Variants in TNS3 observed in about 807,000 individuals in gnomAD.
The protein encoded by TNS3 is tensin-3.
TNS3 carries 45 observed loss-of-function variants against 140.9 expected under a neutral mutation model. The observed-to-expected ratio is 0.32, with a 90% CI of 0.25 to 0.41. The LOEUF is 0.41. Among genes scored for constraint, TNS3 ranks in the 10% least tolerant of loss-of-function variants. TNS3 has a pLI of 1.00. For synonymous variants in TNS3, 815 were observed against 788.4 expected (o/e 1.03, Z -0.56); for missense variants, 1,716 against 1,906.7 (o/e 0.90, Z 1.86).
intron 2 of TNS3, among the ~76,000 whole-genome samples, chr7:47,524,208 G>A (rs1799094575): frequency 6.6e-6 from 1 of 152,192 alleles, no homozygotes; most frequent in Non-Finnish European, 1.5e-5. Context: ...GGCAGACCAG[G>A]CCCTTTCACG....
Position 47,296,508 on chromosome 7 carries a change from A to G in TNS3, c.3676+574T>C, listed in dbSNP as rs1272185728. Among the ~76,000 whole-genome samples the G allele has an allele frequency of 2.6e-5, 4 of 152,356 alleles. No individual in the cohort carries two copies. The East Asian group carries it at 7.7e-4, about 29-fold the overall frequency. ...TCTATTACAGGTTGGTGCAAAAGTCATTATGGTTTTTGCCATGATTTTTAA... is the reference window on the plus strand; with the variant it reads ...TCTATTACAGGTTGGTGCAAAAGTCGTTATGGTTTTTGCCATGATTTTTAA... On this transcript the variant is annotated intron_variant, in intron 24 of 30. Transcript: ENST00000311160.
intron 2 of TNS3, among the ~76,000 whole-genome samples, chr7:47,514,073 T>C (rs755343863): frequency 6.6e-6 from 1 of 152,256 alleles, no homozygotes; most frequent in South Asian, 2.1e-4. Context: ...TCGAAACATA[T>C]TGACCAAGTT....
chr7:47,303,327 A>G lies in TNS3; in HGVS notation c.3080T>C (p.Val1027Ala). 6.2e-7 allele frequency: 1 copy of G among 1,613,562 alleles called. No individual in the cohort carries two copies. The highest frequency in any genetic ancestry group is 8.5e-7 in the Non-Finnish European group (1 of 1,179,842). Reference sequence around the variant, plus strand: ...CTCCTCGGGCGGAAGGCCACTTCCCACTGGGGCGGTGCCGAAGCCCAGGAA... The same window carrying G: ...CTCCTCGGGCGGAAGGCCACTTCCCGCTGGGGCGGTGCCGAAGCCCAGGAA... ...QAFLGFGTAP[V>A]GSGLPPEEDL... is the part of the protein sequence containing the mutation. The change falls in exon 22 of 31, where the codon GTG becomes GCG. Residue 1027 changes from valine (V) to alanine (A), a missense_variant. Val to Ala is a moderately conservative substitution (Grantham distance 64). Coordinates refer to ENST00000311160, the MANE Select transcript of TNS3 (RefSeq NM_022748.12).
intron 4 of TNS3, among the ~76,000 whole-genome samples, chr7:47,479,489 C>T (rs1333572037): frequency 2.1e-5 from 3 of 144,432 alleles, no homozygotes; most frequent in Non-Finnish European, 4.7e-5. Flanking sequence ...TACTCCCCCA[C>T]CCCCCCGTCG....
intron 17 of TNS3, among the ~76,000 whole-genome samples, chr7:47,357,905 A>G (rs113123061): frequency 0.022 from 3,316 of 152,320 alleles, 66 homozygotes; most frequent in South Asian, 0.035. Context: ...GCCCTCCAAC[A>G]TGAGAAATGC....
chr7:47,364,540 GT>G lies in TNS3; in HGVS notation c.2281+3824del, dbSNP rs200015567. ...CAGGTGATCTGCCTGCCTCGGCCCA[GT>G]AAGCATCTTTTAATGGGATTTCTAT... On this transcript the variant is annotated intron_variant, in intron 17 of 30. Coordinates refer to ENST00000311160, the MANE Select transcript of TNS3 (RefSeq NM_022748.12). Among the ~76,000 whole-genome samples, 1,008 of 152,244 alleles carry G rather than the reference GT, an allele frequency of 6.6e-3. 7 individuals are homozygous for G. Among genetic ancestry groups the G allele is most frequent in the African/African-American group, 0.023 (952 of 41,558 alleles).
chr7:47,304,866 T>C lies in TNS3; in HGVS notation c.2788A>G (p.Ile930Val), dbSNP rs747449888. 1.3e-5 allele frequency: 18 copies of C among 1,392,286 alleles called. No individual in the cohort carries two copies. The highest frequency in any genetic ancestry group is 1.9e-5 in the South Asian group (1 of 53,800). The allele number at this position is 1,392,286 out of a possible 1,614,324, so 86.2% of individuals were successfully genotyped here. A position where few individuals can be genotyped will look rare whatever the true frequency, so the allele number is the denominator to read the frequency against. The change falls in exon 21 of 31, where the codon ATT becomes GTT. Residue 930 changes from isoleucine (I) to valine (V), a missense_variant. By Grantham distance (29) the Ile-to-Val change is conservative. This residue lies in a region of TNS3 where 1,163 missense variants were observed against 1,182.1 expected (regional missense o/e 0.98). Coordinates refer to ENST00000311160, the MANE Select transcript of TNS3 (RefSeq NM_022748.12). The stretch of plus-strand genomic sequence containing the variant: ...CTCTGCCCAGGGCCGTTGCTGGAAA[T>C]GGTGCAGGAAGAAGCAAAAGCCTGC... ...FQQAFASSCT[I>V]SSNGPGQRRE... is the part of the protein sequence containing the mutation.
chr7:47,465,912 G>A (rs2960227), intron 4 of TNS3, among the ~76,000 whole-genome samples: 33,051 of 148,918 alleles, frequency 0.22, 3,774 homozygotes, highest in Non-Finnish European at 0.25. Context: ...CAACAAGAGC[G>A]AAACTCCGTC....
At position 47,428,974 on chromosome 7, in the gene TNS3, C is replaced by T. The variant is rs1288934580; in HGVS notation, c.325-598G>A. On this transcript the variant is annotated intron_variant, in intron 8 of 30. Transcript: ENST00000311160. ...CAGCCCAGCCCACAGACCAGCAACA[C>T]CAGCAGGAGAAGCAGAAACTATTGG... 2.0e-5 allele frequency among the ~76,000 whole-genome samples: 3 copies of T among 152,162 alleles called. No homozygotes were observed. The East Asian group carries it at 5.8e-4, about 29-fold the overall frequency.
chr7:47,348,082 C>T (rs1466290053), intron 17 of TNS3, among the ~76,000 whole-genome samples: 1 of 152,220 alleles, frequency 6.6e-6, no homozygotes, highest in Non-Finnish European at 1.5e-5. Flanking sequence ...CTTCAACACA[C>T]ACATGCATTT....
chr7:47,561,154 C>T (rs1475782606), intron 1 of TNS3, among the ~76,000 whole-genome samples: 2 of 152,228 alleles, frequency 1.3e-5, no homozygotes, highest in African/African-American at 4.8e-5. Flanking sequence ...GTCCCACACA[C>T]CTAGGTTTAT....
rs1797301122 is a variant in TNS3, at chr7:47,478,834, CA to C, written c.-76+2268del. Reference sequence around the variant, plus strand: ...AACATGCATGTATGTGTTCATGTACCAATAAAATTACATGCATAACATGCAT... The same window carrying C: ...AACATGCATGTATGTGTTCATGTACCATAAAATTACATGCATAACATGCAT... On this transcript the variant is annotated intron_variant, in intron 4 of 30. Transcript: ENST00000311160. Among the ~76,000 whole-genome samples, 8 of 151,880 alleles carry C rather than the reference CA, an allele frequency of 5.3e-5. No individual in the cohort carries two copies. In the South Asian group the frequency reaches 1.7e-3, roughly 32 times the overall value.
At chr7:47,501,114 A>G (rs893914410) in intron 3 of TNS3, among the ~76,000 whole-genome samples, 1 of 142,408 alleles carries the variant, frequency 7.0e-6, no homozygotes, top group African/African-American at 2.7e-5. Flanking sequence ...AAAGGGAGAA[A>G]GGGAGAAGAG....
chr7:47,335,170 C>T (rs1408376743), intron 20 of TNS3, among the ~76,000 whole-genome samples: 1 of 152,174 alleles, frequency 6.6e-6, no homozygotes. Context: ...GGATACTGTC[C>T]TCCAACACAT....
intron 18 of TNS3, among the ~76,000 whole-genome samples, chr7:47,345,613 C>A (rs550330424): frequency 6.6e-6 from 1 of 151,210 alleles, no homozygotes; most frequent in South Asian, 2.1e-4. Context: ...TTGGATACAC[C>A]GACCTGCTTT....
intron 20 of TNS3, among the ~76,000 whole-genome samples, chr7:47,336,207 A>AG (rs1554296522): frequency 1.1e-4 from 17 of 148,204 alleles, no homozygotes; most frequent in African/African-American, 4.3e-4. Flanking sequence ...AAAAAAAAAA[A>AG]GGCAGTGAAT....
At chr7:47,465,606 C>A (rs986874099) in intron 4 of TNS3, among the ~76,000 whole-genome samples, 2 of 152,134 alleles carry the variant, frequency 1.3e-5, no homozygotes, top group Non-Finnish European at 2.9e-5. Context: ...CACATCACTT[C>A]ATCCATAAAT....
In TNS3 at chr7:47,344,953, GCTGGAGTTGAACA is replaced by G; in HGVS notation, c.2524_2536del (p.Cys842HisfsTer11). On this transcript the variant is annotated frameshift_variant, in exon 19 of 31. Coordinates refer to ENST00000311160, the MANE Select transcript of TNS3 (RefSeq NM_022748.12). LOFTEE classifies it high-confidence loss of function. ...CGGTGTCTCTGGAGACACAGGAAATGCTGGAGTTGAACACATGGACTCCTTGCTACTTAAAATT... is the reference window on the plus strand; with the variant it reads ...CGGTGTCTCTGGAGACACAGGAAATGCATGGACTCCTTGCTACTTAAAATT... 1 of 1,614,198 alleles carries G rather than the reference GCTGGAGTTGAACA, an allele frequency of 6.2e-7. No homozygotes were observed. Among genetic ancestry groups the G allele is most frequent in the Non-Finnish European group, 8.5e-7 (1 of 1,180,030 alleles).
Position 47,275,502 on chromosome 7 carries a change from G to A in TNS3, c.*2574C>T, listed in dbSNP as rs1187604999. ...CCAGGGCAGTACGTGCCTGTCCAGCGGGAGCCCTGGAGACAAAATGCCTGG... is the reference window on the plus strand; with the variant it reads ...CCAGGGCAGTACGTGCCTGTCCAGCAGGAGCCCTGGAGACAAAATGCCTGG... On this transcript the variant is annotated 3_prime_UTR_variant, in exon 31 of 31. Transcript: ENST00000311160. The A allele has an allele frequency of 2.6e-5, 8 of 305,726 alleles. No homozygotes were observed. The highest frequency in any genetic ancestry group is 8.8e-5 in the East Asian group (1 of 11,344). 18.9% of individuals were successfully genotyped at this position (305,726 alleles called of 1,614,324 possible). A position where few individuals can be genotyped will look rare whatever the true frequency, so the allele number is the denominator to read the frequency against.
Sources: allele counts gnomAD v4.1 joint callset (sites outside exome capture counted in the v4.1 genomes callset), GRCh38; gene constraint gnomAD v4.1.1; regional missense constraint gnomAD v4.1.1; transcripts MANE v1.5; gene names NCBI Gene and HGNC (gene_info 2026-07-23, HGNC 2026-07-21).